Variants in TLL2 observed in about 807,000 individuals in gnomAD.
TLL2 encodes tolloid-like protein 2.
In TLL2, 106 loss-of-function variants were observed where a neutral mutation model predicts 123.0. The observed-to-expected ratio is 0.86, with a 90% CI of 0.74 to 1.01. The LOEUF (loss-of-function observed/expected upper bound fraction) is 1.01. Among genes scored for constraint, TLL2 ranks in the 50% least tolerant of loss-of-function variants. The pLI is 0.00. For missense variants in TLL2, 1,332 were observed against 1,336.7 expected (o/e 1.00, Z 0.06); for synonymous variants, 494 against 516.8 (o/e 0.96, Z 0.60).
chr10:96,439,675 T>C (rs139188665), intron 3 of TLL2, among the ~76,000 whole-genome samples: 1 of 152,328 alleles, frequency 6.6e-6, no homozygotes, highest in African/African-American at 2.4e-5. Flanking sequence ...AGTGTTCCTC[T>C]ACTTGTATAA....
chr10:96,416,350 T>C (rs1342830842), intron 7 of TLL2, among the ~76,000 whole-genome samples: 1 of 152,248 alleles, frequency 6.6e-6, no homozygotes, highest in African/African-American at 2.4e-5. Flanking sequence ...TTACTCATCA[T>C]TCATAGGACT....
chr10:96,422,460 C>T (rs1846634089), intron 6 of TLL2, 89 bp downstream of exon 6: 1 of 1,480,216 alleles, frequency 6.8e-7, no homozygotes, highest in Non-Finnish European at 9.2e-7. Context: ...TGCTCAGCTC[C>T]CAGCAAGTCC....
At chr10:96,441,662 G>A (rs1846851838) in intron 3 of TLL2, among the ~76,000 whole-genome samples, 1 of 152,172 alleles carries the variant, frequency 6.6e-6, no homozygotes, top group African/African-American at 2.4e-5. Flanking sequence ...TTCCCCTTCG[G>A]AGCCTCACTT....
rs373852165 is a variant in TLL2 at position 96,384,776 on chromosome 10, G to C, written c.2014-9C>G. ...AAGTCGTACTTACAGACCTGCAAGG[G>C]AGCATGATGGGGAGCTTCCCAGAGT... On this transcript the variant is annotated splice_polypyrimidine_tract_variant and intron_variant, in intron 15 of 20. Coordinates refer to ENST00000357947, the MANE Select transcript of TLL2 (RefSeq NM_012465.4). 1.9e-4 allele frequency: 295 copies of C among 1,565,028 alleles called. 5 individuals carry two copies. The South Asian group carries it at 3.3e-3, about 17-fold the overall frequency.
rs1476679645 is a variant in TLL2, at chr10:96,370,228, G to T, written c.2750C>A (p.Ala917Asp). The T allele has an allele frequency of 6.2e-7, 1 of 1,613,870 alleles. No individual in the cohort carries two copies. The highest frequency in any genetic ancestry group is 8.5e-7 in the Non-Finnish European group (1 of 1,179,836). ...QFGDNNYPSE[A>D]RCDWVIVAED... Reference sequence around the variant, plus strand: ...TGCCACGATCACCCAGTCACAGCGGGCCTCGCTCGGGTAGTTGTTGTCCCC... The same window carrying T: ...TGCCACGATCACCCAGTCACAGCGGTCCTCGCTCGGGTAGTTGTTGTCCCC... Residue 917 changes from alanine (A) to aspartate (D), a missense_variant, in exon 20 of 21, where the codon GCC (alanine) becomes GAC (aspartate). Ala to Asp is a moderately radical substitution (Grantham distance 126). Coordinates refer to ENST00000357947, the MANE Select transcript of TLL2 (RefSeq NM_012465.4).
chr10:96,444,996 T>C (rs187432417), intron 3 of TLL2, among the ~76,000 whole-genome samples: 16 of 152,262 alleles, frequency 1.1e-4, no homozygotes, highest in East Asian at 9.7e-4. Flanking sequence ...GAGACCATCC[T>C]GGCTAACACG....
chr10:96,417,129 C>T (rs150935755), intron 7 of TLL2, among the ~76,000 whole-genome samples: 2 of 152,338 alleles, frequency 1.3e-5, no homozygotes, highest in East Asian at 3.9e-4. Context: ...TTGCCCACCT[C>T]CCCAGATCAG....
chr10:96,437,648 T>A (rs1846809841), intron 3 of TLL2, among the ~76,000 whole-genome samples: 1 of 152,214 alleles, frequency 6.6e-6, no homozygotes, highest in South Asian at 2.1e-4. Context: ...AATAGAATCA[T>A]ACAGCATATA....
intron 7 of TLL2, among the ~76,000 whole-genome samples, chr10:96,414,742 C>T (rs957976974): frequency 2.6e-5 from 4 of 152,094 alleles, no homozygotes; most frequent in African/African-American, 7.2e-5. Context: ...CCAAATTTAT[C>T]ACAATTCCAT....
intron 18 of TLL2, 29 bp from the exon 19 acceptor site, chr10:96,373,838 A>ACTTGCC (rs772399346): frequency 8.7e-6 from 14 of 1,604,582 alleles, no homozygotes; most frequent in African/African-American, 1.3e-5. Flanking sequence ...AAAGTAAGGC[A>ACTTGCC]AGGGCCTGGC....
At chr10:96,394,528 C>A (rs11188744) in intron 13 of TLL2, among the ~76,000 whole-genome samples, 68,819 of 152,064 alleles carry the variant, frequency 0.45, 15,996 homozygotes, top group East Asian at 0.67. Flanking sequence ...CAGGGCAACA[C>A]GGAAATTTGT....
At chr10:96,402,590 A>G (rs1846406792) in intron 10 of TLL2, among the ~76,000 whole-genome samples, 1 of 152,172 alleles carries the variant, frequency 6.6e-6, no homozygotes, top group Admixed American at 6.5e-5. Context: ...AGGAAACAGA[A>G]ATCCAGGCAG....
intron 1 of TLL2, among the ~76,000 whole-genome samples, chr10:96,496,343 C>T (rs1847474887): frequency 6.6e-6 from 1 of 152,216 alleles, no homozygotes; most frequent in African/African-American, 2.4e-5. Flanking sequence ...TGGTAACATT[C>T]ATAATCCATT....
chr10:96,411,700 T>A (rs1399826514), intron 8 of TLL2, among the ~76,000 whole-genome samples: 1 of 152,208 alleles, frequency 6.6e-6, no homozygotes, highest in African/African-American at 2.4e-5. Flanking sequence ...AGATCCAGCA[T>A]CCTTAGGCAT....
At chr10:96,480,201 G>T in intron 2 of TLL2, 148 bp downstream of exon 2, 1 of 660,040 alleles carries the variant, frequency 1.5e-6, no homozygotes, top group Non-Finnish European at 2.7e-6. Flanking sequence ...CTCCAGTGGA[G>T]AAGGAGAAGT....
In TLL2 at chr10:96,387,049, C is replaced by T. The variant is rs773230911; in HGVS notation, c.1756G>A (p.Gly586Ser). ...TTCACACAGCGATGCTCGCACCCGC[C>T]GTGATCTGGCCAGGAACACTCATCC... ...EVDECSWPDH[G>S]GCEHRCVNTL... Residue 586 changes from glycine (G) to serine (S), a missense_variant, in exon 14 of 21, where the codon GGC becomes AGC. Gly to Ser is a moderately conservative substitution (Grantham distance 56). Transcript: ENST00000357947. The T allele has an allele frequency of 1.4e-5, 22 of 1,614,004 alleles. No homozygotes were observed. Among genetic ancestry groups the T allele is most frequent in the African/African-American group, 2.7e-5 (2 of 74,934 alleles).
chr10:96,480,551 G>C, intron 1 of TLL2, 92 bp from the exon 2 acceptor site: 1 of 1,019,360 alleles, frequency 9.8e-7, no homozygotes, highest in Non-Finnish European at 1.5e-6. Context: ...GTGTTGGGTG[G>C]TAAACTTTGG....
rs147806147 is a variant in TLL2, at chr10:96,422,641, T to A, written c.725A>T (p.His242Leu). The change falls in exon 6 of 21, where the codon CAC becomes CTC. Residue 242 changes from histidine (H) to leucine (L), a missense_variant. Coordinates refer to ENST00000357947, the MANE Select transcript of TLL2 (RefSeq NM_012465.4). ...KNCDKFGIVA[H>L]ELGHVVGFWH... ...AAACCCAACCACATGGCCCAGCTCGTGAGCCACAATGCCAAACTTGTCACA... is the reference window on the plus strand; with the variant it reads ...AAACCCAACCACATGGCCCAGCTCGAGAGCCACAATGCCAAACTTGTCACA... The A allele has an allele frequency of 4.4e-4, 710 of 1,614,120 alleles. 5 individuals carry two copies. Among genetic ancestry groups the A allele is most frequent in the Admixed American group, 3.0e-4 (18 of 60,008 alleles).
At chr10:96,398,024 G>C (rs966121523) in intron 10 of TLL2, among the ~76,000 whole-genome samples, 2 of 152,144 alleles carry the variant, frequency 1.3e-5, no homozygotes, top group African/African-American at 4.8e-5. Context: ...CAAGACCCTG[G>C]ATTCCCCTGT....
Sources: gnomAD v4.1 joint callset for allele counts (sites outside exome capture counted in the v4.1 genomes callset) on GRCh38, gnomAD v4.1.1 for gene constraint, MANE v1.5 for transcripts, NCBI Gene and HGNC (gene_info 2026-07-23, HGNC 2026-07-21) for gene names.